The following ADAM22 variants were observed in gnomAD, a reference collection of about 807,000 sequenced individuals.
ADAM22 encodes the protein disintegrin and metalloproteinase domain-containing protein 22.
ADAM22 carries 65 observed loss-of-function variants against 144.6 expected under a neutral mutation model. That is an observed-to-expected ratio of 0.45 (90% CI 0.37 to 0.55). The LOEUF is 0.55. Among genes scored for constraint, ADAM22 ranks in the 20% least tolerant of loss-of-function variants. The pLI, the probability that ADAM22 is intolerant of heterozygous loss-of-function variation, is 0.00. For missense variants in ADAM22, 974 were observed against 1,184.9 expected (o/e 0.82, Z 2.61); for synonymous variants, 391 against 412.6 (o/e 0.95, Z 0.63).
intron 2 of ADAM22, among the ~76,000 whole-genome samples, chr7:87,950,977 G>C (rs551725732): frequency 4.6e-5 from 7 of 152,194 alleles, no homozygotes; most frequent in African/African-American, 1.7e-4. Flanking sequence ...CAAACTTTTT[G>C]ATGGGGTTGT....
chr7:88,050,252 A>C (rs568968517), intron 3 of ADAM22, among the ~76,000 whole-genome samples: 1 of 148,432 alleles, frequency 6.7e-6, no homozygotes, highest in South Asian at 2.1e-4. Flanking sequence ...AAACCTGGGC[A>C]TCATAAGGTG....
intron 3 of ADAM22, among the ~76,000 whole-genome samples, chr7:88,053,772 C>G (rs965547000): frequency 6.6e-6 from 1 of 151,998 alleles, no homozygotes; most frequent in Non-Finnish European, 1.5e-5. Flanking sequence ...ATGGATTTAC[C>G]ATAATTTACT....
chr7:87,961,715 A>C (rs1848033792), intron 2 of ADAM22, among the ~76,000 whole-genome samples: 1 of 152,206 alleles, frequency 6.6e-6, no homozygotes, highest in Non-Finnish European at 1.5e-5. Flanking sequence ...GCACACTTCC[A>C]AGCTGTCTTT....
chr7:88,088,839 T>C (rs974042129), intron 4 of ADAM22, among the ~76,000 whole-genome samples: 1 of 152,184 alleles, frequency 6.6e-6, no homozygotes, highest in Non-Finnish European at 1.5e-5. Flanking sequence ...ATATGTGCAA[T>C]ATAACACCGT....
intron 10 of ADAM22, among the ~76,000 whole-genome samples, chr7:88,130,831 A>G (rs548187570): frequency 9.2e-4 from 140 of 152,248 alleles, no homozygotes; most frequent in Non-Finnish European, 1.7e-3. Flanking sequence ...TAATTCCACT[A>G]TACCTCCATA....
At chr7:88,043,287 C>T (rs1187351775) in intron 3 of ADAM22, among the ~76,000 whole-genome samples, 1 of 151,804 alleles carries the variant, frequency 6.6e-6, no homozygotes, top group African/African-American at 2.4e-5. Context: ...AGATCGAGAC[C>T]ATCCTGGCTA....
chr7:88,080,282 G>T (rs9936465), intron 4 of ADAM22, among the ~76,000 whole-genome samples: 83,908 of 151,794 alleles, frequency 0.55, 24,228 homozygotes, highest in East Asian at 0.88. Context: ...GAAATAAAGA[G>T]GTTCTTTGAA....
At chr7:88,170,085 A>C (rs1843939922) in intron 25 of ADAM22, among the ~76,000 whole-genome samples, 1 of 151,966 alleles carries the variant, frequency 6.6e-6, no homozygotes, top group Admixed American at 6.6e-5. Flanking sequence ...CATTCTTTTG[A>C]GATCTGTTCA....
chr7:88,108,645 CTTGAA>C (rs1825152785), intron 5 of ADAM22, among the ~76,000 whole-genome samples: 1 of 151,958 alleles, frequency 6.6e-6, no homozygotes, highest in Non-Finnish European at 1.5e-5. Context: ...AGGAGAATCA[CTTGAA>C]CCTGCGAGGT....
intron 3 of ADAM22, among the ~76,000 whole-genome samples, chr7:88,032,297 C>T (rs549814644): frequency 6.6e-6 from 1 of 152,316 alleles, no homozygotes; most frequent in African/African-American, 2.4e-5. Context: ...CTTGGGAGCC[C>T]ACTTTTTGCA....
At chr7:88,060,821 C>T (rs753213541) in intron 3 of ADAM22, among the ~76,000 whole-genome samples, 43 of 147,730 alleles carry the variant, frequency 2.9e-4, no homozygotes, top group African/African-American at 1.1e-3. Context: ...AGAAGTGACT[C>T]GGCCAGGTGC....
chr7:88,163,026 A>C lies in ADAM22; in HGVS notation c.1922A>C (p.Lys641Thr), dbSNP rs746768069. 6.2e-7 allele frequency: 1 copy of C among 1,609,144 alleles called. No individual in the cohort carries two copies. Among genetic ancestry groups the C allele is most frequent in the Non-Finnish European group, 8.5e-7 (1 of 1,178,076 alleles). Residue 641 changes from lysine (K) to threonine (T), a missense_variant, in exon 23 of 32, where the codon AAG (lysine) becomes ACG (threonine). Around this residue, in one of 2 missense-constraint regions of ADAM22, gnomAD observed 734 missense variants for 950.6 expected, o/e 0.77. Transcript: ENST00000413139. ...RTLNCSGGHV[K>T]LEEDVDLGYV... is the part of the protein sequence containing the mutation. ...TTTGTTTTTAGTGGTGGGCATGTTA[A>C]GCTTGAAGAAGATGTAGATCTTGGC...
Position 88,140,921 on chromosome 7 carries a change from G to A in ADAM22, c.1221-2105G>A, listed in dbSNP as rs529370418. Among the ~76,000 whole-genome samples, 204 of 152,304 alleles carry A rather than the reference G, an allele frequency of 1.3e-3. 2 individuals carry two copies. Among genetic ancestry groups the A allele is most frequent in the African/African-American group, 4.7e-3 (195 of 41,574 alleles). ...AGCTCTGAGAGTATTCACTAGACGA[G>A]TGTCTTCCTGAGGGAAAGCAACAGG... On this transcript the variant is annotated intron_variant, in intron 14 of 31. Transcript: ENST00000413139.
intron 4 of ADAM22, among the ~76,000 whole-genome samples, chr7:88,099,332 A>G (rs544549793): frequency 7.2e-5 from 11 of 152,308 alleles, no homozygotes; most frequent in African/African-American, 2.6e-4. Context: ...AATAGCCAGA[A>G]TAGCAACATT....
chr7:88,186,545 G>A, intron 29 of ADAM22, 70 bp from the exon 30 acceptor site: 1 of 1,013,486 alleles, frequency 9.9e-7, no homozygotes, highest in South Asian at 1.3e-5. Context: ...TCCTTGCTAA[G>A]CTTGTGCTGT....
chr7:87,937,154 C>T (rs1841427081), intron 2 of ADAM22, among the ~76,000 whole-genome samples: 2 of 152,086 alleles, frequency 1.3e-5, no homozygotes, highest in African/African-American at 2.4e-5. Context: ...GATGGGATTT[C>T]ACCATGTTGC....
chr7:88,121,382 T>C (rs1386848996), intron 7 of ADAM22, among the ~76,000 whole-genome samples: 3 of 152,214 alleles, frequency 2.0e-5, no homozygotes, highest in Non-Finnish European at 4.4e-5. Context: ...ATTTTTAGTG[T>C]AGATATTGTA....
chr7:87,966,207 T>A (rs1185189718), intron 2 of ADAM22, among the ~76,000 whole-genome samples: 4 of 152,090 alleles, frequency 2.6e-5, no homozygotes, highest in Non-Finnish European at 5.9e-5. Flanking sequence ...CAGAAAAGAG[T>A]ATCCATTTCC....
intron 2 of ADAM22, among the ~76,000 whole-genome samples, chr7:87,946,626 A>T (rs142489965): frequency 2.8e-4 from 43 of 152,144 alleles, no homozygotes; most frequent in African/African-American, 9.2e-4. Context: ...CCCATGGCTT[A>T]TTTTTGCCCA....
Sources: allele counts gnomAD v4.1 joint callset (sites outside exome capture counted in the v4.1 genomes callset), GRCh38; gene constraint gnomAD v4.1.1; regional missense constraint gnomAD v4.1.1; transcripts MANE v1.5; gene names NCBI Gene and HGNC (gene_info 2026-07-23, HGNC 2026-07-21).